Variants in MECR observed in about 807,000 individuals in gnomAD.
The protein encoded by MECR is mitochondrial trans-2-enoyl-CoA reductase, also known as enoyl-[acyl-carrier-protein] reductase, mitochondrial.
Under a neutral mutation model 49.1 loss-of-function variants are expected in MECR, and 37 were observed. That is an observed-to-expected ratio of 0.75 (90% CI 0.58 to 0.99). MECR has a LOEUF of 0.99. Among genes scored for constraint, MECR ranks in the 50% least tolerant of loss-of-function variants. The pLI, the probability that MECR is intolerant of heterozygous loss-of-function variation, is 0.00. For synonymous variants in MECR, 198 were observed against 191.1 expected (o/e 1.04, Z -0.30); for missense variants, 470 against 479.6 (o/e 0.98, Z 0.19).
At chr1:29,217,508 C>T (rs1243718435) in intron 1 of MECR, among the ~76,000 whole-genome samples, 3 of 152,116 alleles carry the variant, frequency 2.0e-5, no homozygotes, top group Admixed American at 6.6e-5. Context: ...AGCCACTGTG[C>T]CCGGTCTTTC....
At position 29,218,580 on chromosome 1, in the gene MECR, T is replaced by C. The variant is rs182721694; in HGVS notation, c.177-1895A>G. ...TGGTAAAAGTGTGATTTTGAAGAAA[T>C]GTTTTATAATAGCTGGGCACGGTGG... On this transcript the variant is annotated intron_variant, in intron 1 of 9. Coordinates refer to ENST00000263702, the MANE Select transcript of MECR (RefSeq NM_016011.5). 4.6e-5 allele frequency among the ~76,000 whole-genome samples: 7 copies of C among 152,300 alleles called. No homozygotes were observed. In the East Asian group the frequency reaches 1.3e-3, roughly 29 times the overall value.
At chr1:29,212,144 G>A (rs371728219) in intron 3 of MECR, among the ~76,000 whole-genome samples, 2 of 152,222 alleles carry the variant, frequency 1.3e-5, no homozygotes, top group South Asian at 2.1e-4. Flanking sequence ...CTGGCCAGGC[G>A]CAGTGGCTCA....
intron 5 of MECR, 120 bp from the exon 6 acceptor site, chr1:29,202,165 G>T: frequency 2.4e-6 from 2 of 846,044 alleles, no homozygotes; most frequent in Non-Finnish European, 3.9e-6. Context: ...CTGGGATTAG[G>T]TTTAAGCCAG....
At chr1:29,220,336 G>T (rs1250821886) in intron 1 of MECR, among the ~76,000 whole-genome samples, 2 of 152,154 alleles carry the variant, frequency 1.3e-5, no homozygotes, top group African/African-American at 4.8e-5. Context: ...GGGAGGTGGA[G>T]GTTGCAACAA....
the MECR span, among the ~76,000 whole-genome samples, chr1:29,184,549 T>G: frequency 6.6e-6 from 1 of 151,758 alleles, no homozygotes; most frequent in Non-Finnish European, 1.5e-5. Context: ...AGGTTAGGGA[T>G]TCAAGACCAG....
At chr1:29,224,011 G>A (rs546043057) in intron 1 of MECR, 30 of 152,276 alleles carry the variant, frequency 2.0e-4, no homozygotes, top group Admixed American at 1.9e-3. Flanking sequence ...TAGCACAATT[G>A]TTTTGAACTG....
chr1:29,201,182 A>G lies in MECR; in HGVS notation c.757-593T>C, dbSNP rs758451610. On this transcript the variant is annotated intron_variant, in intron 6 of 9. Transcript: ENST00000263702. The surrounding 1 kb of genome is among the most constrained non-coding windows in gnomAD (Gnocchi z 4.3). Reference sequence around the variant, plus strand: ...ATCTTCTCTGGGAAAGAATAGGCAAAGGGCATCTGCATGCAGTTTGGTGGG... The same window carrying G: ...ATCTTCTCTGGGAAAGAATAGGCAAGGGGCATCTGCATGCAGTTTGGTGGG... Among the ~76,000 whole-genome samples the G allele has an allele frequency of 9.2e-5, 14 of 152,224 alleles. No homozygotes were observed. The highest frequency in any genetic ancestry group is 1.9e-4 in the Non-Finnish European group (13 of 68,048).
intron 1 of MECR, 107 bp from the exon 2 acceptor site, chr1:29,216,792 G>T: frequency 2.5e-6 from 4 of 1,581,706 alleles, no homozygotes; most frequent in Non-Finnish European, 3.4e-6. Flanking sequence ...GAGCTGCCAT[G>T]TGTGCCCAGG....
chr1:29,211,088 G>GGT (rs1553339751), intron 3 of MECR, among the ~76,000 whole-genome samples: 6 of 144,124 alleles, frequency 4.2e-5, no homozygotes, highest in African/African-American at 1.3e-4. Flanking sequence ...TAAATAAAGG[G>GGT]TTTTTTTTTT....
chr1:29,230,313 G>A (rs1009961909), intron 1 of MECR: 14 of 184,810 alleles, frequency 7.6e-5, no homozygotes, highest in African/African-American at 3.4e-4. Flanking sequence ...AACTCACGCA[G>A]GTCAGTCAGA....
Position 29,201,867 on chromosome 1 carries a change from G to T in MECR, c.756+76C>A, listed in dbSNP as rs981985761. 3 of 1,267,118 alleles carry T rather than the reference G, an allele frequency of 2.4e-6. No individual in the cohort carries two copies. Among genetic ancestry groups the T allele is most frequent in the Middle Eastern group, 1.9e-4 (1 of 5,330 alleles). The allele number at this position is 1,267,118 out of a possible 1,614,324, so 78.5% of individuals were successfully genotyped here. On this transcript the variant is annotated intron_variant, in intron 6 of 9. Transcript: ENST00000263702. The surrounding 1 kb of genome is among the most constrained non-coding windows in gnomAD (Gnocchi z 4.3). ...AGAGGAACAATGGGGCCAGTCCCCA[G>T]TTTCTCTAATGCATGTCAACTTTCT...
chr1:29,180,118 C>A, the MECR span, among the ~76,000 whole-genome samples: 1 of 152,208 alleles, frequency 6.6e-6, no homozygotes, highest in African/African-American at 2.4e-5. Context: ...GAATGAACAA[C>A]CAGGTTCAGA....
intron 4 of MECR, among the ~76,000 whole-genome samples, chr1:29,204,262 T>C (rs1177068556): frequency 4.6e-5 from 7 of 151,562 alleles, no homozygotes; most frequent in Non-Finnish European, 8.8e-5. Context: ...ATGCATCGTG[T>C]CCGGGAAAGT....
the MECR span, chr1:29,181,625 A>T: frequency 1.9e-6 from 3 of 1,567,114 alleles, 1 homozygote; most frequent in South Asian, 3.5e-5. Flanking sequence ...GCCCGGCCGG[A>T]CCCTCTTTCG....
intron 9 of MECR, among the ~76,000 whole-genome samples, chr1:29,195,468 A>G (rs552205105): frequency 6.6e-6 from 1 of 152,290 alleles, no homozygotes; most frequent in African/African-American, 2.4e-5. Context: ...CCCTGCAGGG[A>G]GGTGACTTTG....
the MECR span, among the ~76,000 whole-genome samples, chr1:29,175,840 T>C: frequency 6.6e-6 from 1 of 152,154 alleles, no homozygotes; most frequent in Non-Finnish European, 1.5e-5. Context: ...AACCTCTTCT[T>C]AGATAATCCT....
chr1:29,195,802 C>A, intron 9 of MECR, 139 bp downstream of exon 9: 1 of 849,588 alleles, frequency 1.2e-6, no homozygotes, highest in African/African-American at 1.7e-5. Context: ...TGTAGCTGGA[C>A]TAAGGCTATT....
intron 7 of MECR, among the ~76,000 whole-genome samples, chr1:29,198,381 C>T (rs1674522086): frequency 6.6e-6 from 1 of 152,222 alleles, no homozygotes; most frequent in African/African-American, 2.4e-5. Flanking sequence ...GCCTAACTTT[C>T]CACAGGCCCA....
chr1:29,190,103 G>A (rs1037349113), downstream of MECR, among the ~76,000 whole-genome samples: 3 of 152,060 alleles, frequency 2.0e-5, no homozygotes, highest in Admixed American at 6.5e-5. Flanking sequence ...GGCCGGGCGC[G>A]GTGGCTCACG....
Sources: allele counts gnomAD v4.1 joint callset (sites outside exome capture counted in the v4.1 genomes callset), GRCh38; gene constraint gnomAD v4.1.1; non-coding constraint Gnocchi (gnomAD v3.1); transcripts MANE v1.5; gene names NCBI Gene and HGNC (gene_info 2026-07-23, HGNC 2026-07-21).